The following KAZN variants were observed in gnomAD, a reference collection of about 807,000 sequenced individuals.
KAZN encodes the protein kazrin.
A neutral mutation model predicts 87.4 loss-of-function variants in KAZN; 40 were observed. The ratio of observed to expected loss-of-function variants is 0.46; its 90% CI spans 0.36 to 0.60. The LOEUF is 0.60. Ranked by LOEUF, KAZN falls within the 20% of genes least tolerant of loss-of-function variation. The pLI, the probability that KAZN is intolerant of heterozygous loss-of-function variation, is 0.00. For synonymous variants in KAZN, 466 were observed against 458.3 expected (o/e 1.02, Z -0.22); for missense variants, 898 against 1,073.9 (o/e 0.84, Z 2.29).
In KAZN at chr1:14,999,504, C is replaced by CAA. The variant is rs1557701537; in HGVS notation, c.419-35245_419-35244insAA. Among the ~76,000 whole-genome samples, 30 of 142,198 alleles carry CAA rather than the reference C, an allele frequency of 2.1e-4. 1 individual carries two copies. The highest frequency in any genetic ancestry group is 8.6e-4 in the African/African-American group (28 of 32,516). The allele number at this position is 142,198 out of a possible 152,430, so 93.3% of individuals were successfully genotyped here. On this transcript the variant is annotated intron_variant, in intron 2 of 14. Coordinates refer to ENST00000376030, the MANE Select transcript of KAZN (RefSeq NM_201628.3). ...CCCCAGGCATTGCCTGCCCCCCTCC[C>CAA]CCCGCCCCGCCATCCAGACCTTGAC...
At chr1:14,052,757 A>G (rs568449452) in intron 1 of KAZN, among the ~76,000 whole-genome samples, 7 of 152,330 alleles carry the variant, frequency 4.6e-5, no homozygotes, top group African/African-American at 1.7e-4. Context: ...TCCTCTCTGA[A>G]GAAGTGACAT....
In KAZN at chr1:13,999,995, A is replaced by G. The variant is rs188177829; in HGVS notation, c.91+106239A>G. The stretch of plus-strand genomic sequence containing the variant: ...ACATACACCTTCCCAAGACTAAACC[A>G]GGAAGAGGTTGAATCCTTGAATAGA... On this transcript the variant is annotated intron_variant, in intron 1 of 16. Coordinates refer to the KAZN transcript ENST00000636203. Among the ~76,000 whole-genome samples the G allele has an allele frequency of 6.2e-4, 95 of 152,358 alleles. No individual in the cohort carries two copies. The East Asian group carries it at 0.018, about 28-fold the overall frequency.
At chr1:14,333,205 G>C (rs1003588060) in intron 2 of KAZN, among the ~76,000 whole-genome samples, 3 of 152,140 alleles carry the variant, frequency 2.0e-5, no homozygotes, top group East Asian at 1.9e-4. Context: ...GTCCCTGCAA[G>C]GGACATGATC....
intron 2 of KAZN, among the ~76,000 whole-genome samples, chr1:14,216,493 G>C (rs1405967221): frequency 6.6e-6 from 1 of 152,140 alleles, no homozygotes; most frequent in African/African-American, 2.4e-5. Context: ...AGAGGTAAGA[G>C]ATCTCAGAGA....
chr1:14,665,945 A>AAT (rs1553206122), intron 1 of KAZN, among the ~76,000 whole-genome samples: 1 of 151,942 alleles, frequency 6.6e-6, no homozygotes, highest in African/African-American at 2.4e-5. Context: ...AAAAAAAAAA[A>AAT]AAAAAAAATA....
intron 2 of KAZN, among the ~76,000 whole-genome samples, chr1:14,488,552 T>C (rs1669474131): frequency 6.6e-6 from 1 of 152,182 alleles, no homozygotes; most frequent in African/African-American, 2.4e-5. Context: ...GGCAACCTCA[T>C]AGGCTCAGTC....
At chr1:13,985,391 T>G (rs1430595597) in intron 1 of KAZN, among the ~76,000 whole-genome samples, 1 of 151,242 alleles carries the variant, frequency 6.6e-6, no homozygotes, top group Non-Finnish European at 1.5e-5. Flanking sequence ...AAATGATGAG[T>G]TCATGTCCTT....
At chr1:14,211,414 C>T (rs956249633) in intron 2 of KAZN, among the ~76,000 whole-genome samples, 2 of 152,102 alleles carry the variant, frequency 1.3e-5, no homozygotes, top group African/African-American at 4.8e-5. Context: ...TTAGTAGAGA[C>T]AGAGTTTCAT....
intron 1 of KAZN, among the ~76,000 whole-genome samples, chr1:14,845,892 G>A (rs1005693290): frequency 6.6e-6 from 1 of 152,108 alleles, no homozygotes; most frequent in Non-Finnish European, 1.5e-5. Flanking sequence ...AGAATGTTGG[G>A]TGAAGGCATC....
At chr1:13,975,575 G>A (rs1638310146) in intron 1 of KAZN, among the ~76,000 whole-genome samples, 1 of 152,168 alleles carries the variant, frequency 6.6e-6, no homozygotes, top group South Asian at 2.1e-4. Flanking sequence ...ATGCTCTTGA[G>A]TCCCCAGTGC....
intron 1 of KAZN, among the ~76,000 whole-genome samples, chr1:14,882,547 T>C (rs954544321): frequency 5.9e-5 from 9 of 152,130 alleles, no homozygotes; most frequent in Non-Finnish European, 8.8e-5. Context: ...AGGGCTTCTG[T>C]TATAGACCTG....
intron 1 of KAZN, among the ~76,000 whole-genome samples, chr1:14,835,578 G>A (rs192440645): frequency 2.0e-5 from 3 of 152,200 alleles, no homozygotes; most frequent in East Asian, 3.9e-4. Context: ...ACTGAAGCGC[G>A]GAAGTTAAAT....
At chr1:13,924,920 T>C (rs1422733485) in intron 1 of KAZN, among the ~76,000 whole-genome samples, 1 of 152,208 alleles carries the variant, frequency 6.6e-6, no homozygotes, top group Non-Finnish European at 1.5e-5. Context: ...TCTCAGATAC[T>C]CAGCGTTCAC....
intron 1 of KAZN, among the ~76,000 whole-genome samples, chr1:14,715,831 A>C (rs1642763825): frequency 6.6e-6 from 1 of 152,174 alleles, no homozygotes; most frequent in African/African-American, 2.4e-5. Context: ...GAAAGCTCCA[A>C]ATCTCCATCA....
chr1:14,284,094 T>C (rs1375942209), intron 2 of KAZN, among the ~76,000 whole-genome samples: 2 of 130,834 alleles, frequency 1.5e-5, no homozygotes, highest in Non-Finnish European at 3.2e-5. Flanking sequence ...CTGCCTAGGG[T>C]GGGGATGGGA....
At chr1:14,669,292 T>G (rs928041347) in intron 1 of KAZN, among the ~76,000 whole-genome samples, 1 of 152,164 alleles carries the variant, frequency 6.6e-6, no homozygotes, top group African/African-American at 2.4e-5. Flanking sequence ...TGCTCTGGGT[T>G]GCTATTAGGA....
intron 2 of KAZN, among the ~76,000 whole-genome samples, chr1:14,305,673 CT>C (rs1435245846): frequency 6.8e-6 from 1 of 147,648 alleles, no homozygotes; most frequent in African/African-American, 2.5e-5. Context: ...TTTTTGTTTT[CT>C]TTTTTTTTAA....
chr1:14,183,875 G>A (rs891772615), intron 2 of KAZN, among the ~76,000 whole-genome samples: 2 of 151,706 alleles, frequency 1.3e-5, no homozygotes, highest in Admixed American at 1.3e-4. Flanking sequence ...TGGAACAAAG[G>A]GTGGCTGAGG....
At chr1:14,199,684 A>T (rs1332347982) in intron 2 of KAZN, among the ~76,000 whole-genome samples, 1 of 152,226 alleles carries the variant, frequency 6.6e-6, no homozygotes, top group African/African-American at 2.4e-5. Context: ...TTTTACCAGC[A>T]TATCAGGAAA....
Sources: gnomAD v4.1 joint callset for allele counts (sites outside exome capture counted in the v4.1 genomes callset) on GRCh38, gnomAD v4.1.1 for gene constraint, MANE v1.5 for transcripts, NCBI Gene and HGNC (gene_info 2026-07-23, HGNC 2026-07-21) for gene names.